The following ZNF577 variants were observed in gnomAD, a reference collection of about 807,000 sequenced individuals.
ZNF577 encodes the protein zinc finger protein 577.
ZNF577 carries 14 observed loss-of-function variants against 13.9 expected under a neutral mutation model. That is an observed-to-expected ratio of 1.00 (90% CI 0.66 to 1.57). The LOEUF (loss-of-function observed/expected upper bound fraction) is 1.57, where lower values mean the gene tolerates loss of function less well. ZNF577 is among the 40% of genes most tolerant of loss of function. ZNF577 has a pLI of 0.00. For synonymous variants in ZNF577, 203 were observed against 202.9 expected, an observed-to-expected ratio of 1.00 and a Z score of 0.00; for missense variants, 555 against 579.2, an observed-to-expected ratio of 0.96 and a Z score of 0.43.
At chr19:51,840,840 T>TA (rs1379468226) in intron 8 of ZNF577, 1 of 152,174 alleles carries the variant, frequency 6.6e-6, no homozygotes, top group Non-Finnish European at 1.5e-5. Context: ...TCCCACTGGT[T>TA]AGAGTTAAAA....
intron 9 of ZNF577, among the ~76,000 whole-genome samples, chr19:51,815,928 A>C (rs931452077): frequency 6.6e-6 from 1 of 151,908 alleles, no homozygotes; most frequent in Admixed American, 6.6e-5. Flanking sequence ...TTAGCCAGGC[A>C]TGGTTCCAGG....
Position 51,872,593 on chromosome 19 carries a change from A to C in ZNF577, c.1397T>G (p.Val466Gly), listed in dbSNP as rs1220320422. Residue 466 changes from valine to glycine, a missense_variant, in exon 6 of 6, where the codon GTG becomes GGG. Val to Gly is a moderately radical substitution (Grantham distance 109). Transcript: ENST00000638348. ...ATTTATTACTGATGGGGCCACATTC[A>C]CTTCATTTGTGAGGCTTATTCTCTG... ...FEQRISLTNE[V>G]NVAPSVINYI... 1 of 1,613,486 alleles carries C rather than the reference A, an allele frequency of 6.2e-7. No homozygotes were observed. The highest frequency in any genetic ancestry group is 1.1e-5 in the South Asian group (1 of 90,956).
intron 5 of ZNF577, among the ~76,000 whole-genome samples, chr19:51,845,910 A>G (rs2084349000): frequency 6.6e-6 from 1 of 152,226 alleles, no homozygotes; most frequent in South Asian, 2.1e-4. Flanking sequence ...GGCTATTGTG[A>G]ATAACACTGC....
At position 51,868,082 on chromosome 19, in the gene ZNF577, G is replaced by C. The variant is rs1415895101; in HGVS notation, c.*4450C>G. ...ACTGGGAATCAAGACAAAGTGGATG[G>C]AATCTGTAAATCTGTGCACCAGCAG... On this transcript the variant is annotated 3_prime_UTR_variant, in exon 6 of 6. Coordinates refer to ENST00000638348, the MANE Select transcript of ZNF577 (RefSeq NM_001370449.1). Among the ~76,000 whole-genome samples, 1 of 152,176 alleles carries C rather than the reference G, an allele frequency of 6.6e-6. No individual in the cohort carries two copies. The highest frequency in any genetic ancestry group is 1.5e-5 in the Non-Finnish European group (1 of 68,044).
chr19:51,857,373 A>AGAAAGAAG (rs2084438915), intron 5 of ZNF577, among the ~76,000 whole-genome samples: 1 of 89,204 alleles, frequency 1.1e-5, no homozygotes, highest in African/African-American at 5.3e-5. Flanking sequence ...AAGGAAAGAA[A>AGAAAGAAG]GAAAGAAAGA....
intron 9 of ZNF577, among the ~76,000 whole-genome samples, chr19:51,829,278 G>A (rs1040547078): frequency 6.6e-6 from 1 of 152,162 alleles, no homozygotes; most frequent in South Asian, 2.1e-4. Flanking sequence ...CCGACAAGCT[G>A]GCACTGTGGG....
chr19:51,878,642 A>G, intron 3 of ZNF577, 127 bp from the exon 4 acceptor site: 1 of 1,211,318 alleles, frequency 8.3e-7, no homozygotes, highest in African/African-American at 1.5e-5. Context: ...TTCACATACC[A>G]AAGGACCATG....
At chr19:51,883,123 G>C (rs1393726873) in intron 1 of ZNF577, among the ~76,000 whole-genome samples, 1 of 151,518 alleles carries the variant, frequency 6.6e-6, no homozygotes, top group Non-Finnish European at 1.5e-5. Context: ...CTCCTGAGTA[G>C]TTGGGATTAC....
intron 5 of ZNF577, 150 bp downstream of exon 5, chr19:51,877,132 T>C (rs1365117771): frequency 6.7e-6 from 4 of 600,460 alleles, no homozygotes; most frequent in Non-Finnish European, 3.0e-6. Flanking sequence ...CTATTAGGGA[T>C]GGACACAGAT....
At chr19:51,877,166 G>A in intron 5 of ZNF577, 116 bp downstream of exon 5, 1 of 783,022 alleles carries the variant, frequency 1.3e-6, no homozygotes, top group African/African-American at 1.7e-5. Context: ...TTAGGTTTCT[G>A]GGCCACCAAC....
At chr19:51,805,056 G>C (rs745510196) in exon 11 of ZNF577, 3 of 152,208 alleles carry the variant, frequency 2.0e-5, no homozygotes, top group South Asian at 2.1e-4. Context: ...AGGCACAGTC[G>C]TGAGTTTGCT....
At chr19:51,820,194 C>G (rs192216978) in intron 9 of ZNF577, among the ~76,000 whole-genome samples, 1 of 152,162 alleles carries the variant, frequency 6.6e-6, no homozygotes, top group African/African-American at 2.4e-5. Context: ...AGAAATCACA[C>G]GTGCTGGAGA....
chr19:51,877,530 G>A lies in ZNF577; in HGVS notation c.188-153C>T, dbSNP rs28452854. 3.9e-3 allele frequency: 2,403 copies of A among 611,246 alleles called. 46 individuals are homozygous for A. Among genetic ancestry groups the A allele is most frequent in the African/African-American group, 0.039 (2,091 of 53,504 alleles). The allele number at this position is 611,246 out of a possible 1,614,324, so 37.9% of individuals were successfully genotyped here. On this transcript the variant is annotated intron_variant, in intron 4 of 5. Coordinates refer to ENST00000638348, the MANE Select transcript of ZNF577 (RefSeq NM_001370449.1). ...GAGCACAACCACTTCGTGCCAGGGA[G>A]GAAAATAACAGTCTGCGTGACACAC...
At chr19:51,816,548 TA>T (rs1315618844) in intron 9 of ZNF577, among the ~76,000 whole-genome samples, 2 of 152,208 alleles carry the variant, frequency 1.3e-5, no homozygotes, top group African/African-American at 4.8e-5. Context: ...ATGCCTGGCC[TA>T]AGATGTACTC....
At chr19:51,821,477 A>G (rs2084188985) in intron 9 of ZNF577, among the ~76,000 whole-genome samples, 1 of 152,154 alleles carries the variant, frequency 6.6e-6, no homozygotes, top group Non-Finnish European at 1.5e-5. Context: ...AGTCCCCCAC[A>G]ACAAAGAATT....
At chr19:51,819,803 G>A (rs1191413078) in intron 9 of ZNF577, among the ~76,000 whole-genome samples, 2 of 152,236 alleles carry the variant, frequency 1.3e-5, no homozygotes. Flanking sequence ...AAGAAATATG[G>A]GCCAAGATTG....
At chr19:51,827,972 A>G (rs1373461065) in intron 9 of ZNF577, among the ~76,000 whole-genome samples, 1 of 152,094 alleles carries the variant, frequency 6.6e-6, no homozygotes, top group East Asian at 1.9e-4. Context: ...TCCAAGGCAG[A>G]GCACTTTGCG....
chr19:51,825,007 C>T, intron 9 of ZNF577: 1 of 575,794 alleles, frequency 1.7e-6, no homozygotes, highest in Non-Finnish European at 3.2e-6. Flanking sequence ...CAATTAAATT[C>T]CAACACTATC....
intron 10 of ZNF577, among the ~76,000 whole-genome samples, chr19:51,809,505 C>G (rs1451390972): frequency 6.6e-6 from 1 of 152,198 alleles, no homozygotes. Context: ...TTTATTTTCT[C>G]ATTTCTCCTT....
Sources: gnomAD v4.1 joint callset for allele counts (sites outside exome capture counted in the v4.1 genomes callset) on GRCh38, gnomAD v4.1.1 for gene constraint, MANE v1.5 for transcripts, NCBI Gene and HGNC (gene_info 2026-07-23, HGNC 2026-07-21) for gene names.